IPCEF1: variants seen among roughly 807,000 people sequenced by gnomAD.
IPCEF1 encodes the protein interactor protein for cytohesin exchange factors 1.
In IPCEF1, 31 loss-of-function variants were observed where a neutral mutation model predicts 50.9. The observed-to-expected ratio is 0.61, with a 90% CI of 0.46 to 0.82. The LOEUF is 0.82. IPCEF1 is among the 40% of genes least tolerant of loss of function. IPCEF1 has a pLI of 0.00. For missense variants in IPCEF1, 458 were observed against 514.0 expected (o/e 0.89, Z 1.05); for synonymous variants, 181 against 192.0 (o/e 0.94, Z 0.47).
intron 9 of IPCEF1, 97 bp downstream of exon 9, chr6:154,212,673 T>C (rs1407326397): frequency 1.3e-6 from 1 of 797,698 alleles, no homozygotes; most frequent in Non-Finnish European, 2.0e-6. Flanking sequence ...TAGCCCATTC[T>C]AAAAATTTAT....
chr6:154,185,866 G>A (rs1225697482), intron 10 of IPCEF1, among the ~76,000 whole-genome samples: 2 of 152,236 alleles, frequency 1.3e-5, no homozygotes, highest in Non-Finnish European at 2.9e-5. Flanking sequence ...TGAGCCACAA[G>A]TTGGATAAGC....
At chr6:154,330,283 A>G (rs1396614536) in intron 1 of IPCEF1, among the ~76,000 whole-genome samples, 1 of 151,792 alleles carries the variant, frequency 6.6e-6, no homozygotes, top group Non-Finnish European at 1.5e-5. Context: ...TCCTTTTAAC[A>G]GAATACCAGC....
chr6:154,203,944 T>G (rs1315217178), intron 9 of IPCEF1, among the ~76,000 whole-genome samples: 1 of 152,192 alleles, frequency 6.6e-6, no homozygotes, highest in Non-Finnish European at 1.5e-5. Context: ...CGGTGCCAAT[T>G]ACAATGCAAA....
At chr6:154,257,566 G>A (rs991649015) in intron 3 of IPCEF1, among the ~76,000 whole-genome samples, 2 of 152,122 alleles carry the variant, frequency 1.3e-5, no homozygotes, top group African/African-American at 2.4e-5. Flanking sequence ...ACCCTTGAAC[G>A]GAAATCAGTT....
rs1173873803 is a variant in IPCEF1 at position 154,158,289 on chromosome 6, G to C, written c.*1539C>G. ...GTAGGCAGGGCCAACATGGGTACTT[G>C]GTGGGTTGTGGTTATTCCTATGGTG... On this transcript the variant is annotated 3_prime_UTR_variant, in exon 12 of 12. Transcript: ENST00000367220. 6.6e-6 allele frequency: 1 copy of C among 152,156 alleles called. No individual in the cohort carries two copies. The highest frequency in any genetic ancestry group is 1.5e-5 in the Non-Finnish European group (1 of 68,034). 9.4% of individuals were successfully genotyped at this position (152,156 alleles called of 1,614,324 possible).
intron 1 of IPCEF1, among the ~76,000 whole-genome samples, chr6:154,313,563 A>G (rs1169508890): frequency 6.6e-6 from 1 of 152,178 alleles, no homozygotes; most frequent in South Asian, 2.1e-4. Flanking sequence ...TATTAAAGAA[A>G]GATGTTTTGG....
At chr6:154,173,471 G>A (rs1800043228) in intron 10 of IPCEF1, among the ~76,000 whole-genome samples, 1 of 152,182 alleles carries the variant, frequency 6.6e-6, no homozygotes, top group East Asian at 1.9e-4. Flanking sequence ...GTAGAGAAGA[G>A]TTTAAATGAT....
Position 154,160,008 on chromosome 6 carries a change from C to T in IPCEF1, c.1137G>A (p.Gln379=). The T allele has an allele frequency of 1.9e-6, 3 of 1,612,414 alleles. No homozygotes were observed. In the South Asian group the frequency reaches 3.3e-5, roughly 18 times the overall value. Residue 379 remains glutamine (Q), a synonymous_variant, in exon 12 of 12, where the codon CAG becomes CAA. Coordinates refer to ENST00000367220, the MANE Select transcript of IPCEF1 (RefSeq NM_001130700.2). ...CTGTCAGCTTCGGGTCATCCAGCAACTGGTTAATCATGGCCAGATCATGTT... is the reference window on the plus strand; with the variant it reads ...CTGTCAGCTTCGGGTCATCCAGCAATTGGTTAATCATGGCCAGATCATGTT... The part of the protein sequence containing the change: ...CKEHDLAMIN[Q]LLDDPKLTAR...
chr6:154,244,301 GGTGTGTGTGT>G (rs10674508), intron 5 of IPCEF1, among the ~76,000 whole-genome samples: 1 of 147,956 alleles, frequency 6.8e-6, no homozygotes, highest in African/African-American at 2.5e-5. Context: ...TGTGTGGGTG[GGTGTGTGTGT>G]GTGTGTGTGT....
intron 1 of IPCEF1, among the ~76,000 whole-genome samples, chr6:154,318,711 TCAAA>T (rs1562287063): frequency 2.4e-5 from 1 of 41,578 alleles, no homozygotes. Context: ...AGACCCTGTC[TCAAA>T]AAAAAAAAAA....
chr6:154,296,112 A>G (rs1446484610), intron 1 of IPCEF1, among the ~76,000 whole-genome samples: 1 of 152,170 alleles, frequency 6.6e-6, no homozygotes, highest in Non-Finnish European at 1.5e-5. Flanking sequence ...CTGTGCATAC[A>G]TTTCATGAGG....
chr6:154,270,713 C>T (rs957349012), intron 2 of IPCEF1, among the ~76,000 whole-genome samples: 7 of 152,150 alleles, frequency 4.6e-5, no homozygotes, highest in African/African-American at 1.4e-4. Context: ...CGGTGGCTCA[C>T]GCCTCTAATC....
intron 11 of IPCEF1, among the ~76,000 whole-genome samples, chr6:154,160,514 C>T (rs1237525233): frequency 6.6e-6 from 1 of 152,168 alleles, no homozygotes; most frequent in Non-Finnish European, 1.5e-5. Context: ...TAATAAATCA[C>T]ATTTATTTAA....
At chr6:154,188,845 A>C (rs1801612712) in intron 10 of IPCEF1, among the ~76,000 whole-genome samples, 1 of 152,232 alleles carries the variant, frequency 6.6e-6, no homozygotes, top group African/African-American at 2.4e-5. Flanking sequence ...CATTCATGGA[A>C]CACATCAAAA....
intron 2 of IPCEF1, among the ~76,000 whole-genome samples, chr6:154,269,915 A>G (rs568506516): frequency 6.6e-6 from 1 of 152,346 alleles, no homozygotes; most frequent in South Asian, 2.1e-4. Flanking sequence ...GATAAGCTAA[A>G]TAGGTAGCTC....
At chr6:154,186,564 CT>C (rs144402482) in intron 10 of IPCEF1, among the ~76,000 whole-genome samples, 36 of 149,290 alleles carry the variant, frequency 2.4e-4, no homozygotes, top group Non-Finnish European at 1.9e-4. Flanking sequence ...CTTTTTTTCT[CT>C]TTTTTTTTTG....
chr6:154,213,192 C>T (rs1778108243), intron 8 of IPCEF1: 1 of 263,184 alleles, frequency 3.8e-6, no homozygotes, highest in African/African-American at 2.2e-5. Flanking sequence ...TTGTAGGAAT[C>T]CTAATGAATT....
chr6:154,207,754 AT>A (rs564261862), intron 9 of IPCEF1, among the ~76,000 whole-genome samples: 87 of 151,424 alleles, frequency 5.7e-4, no homozygotes, highest in African/African-American at 1.2e-3. Flanking sequence ...ATTTTAGCTG[AT>A]TTTTTTTTCC....
At chr6:154,315,031 C>T (rs1479220126) in intron 1 of IPCEF1, among the ~76,000 whole-genome samples, 1 of 152,156 alleles carries the variant, frequency 6.6e-6, no homozygotes. Flanking sequence ...CAGGCATGTG[C>T]TACCACGACC....
Sources: allele counts gnomAD v4.1 joint callset (sites outside exome capture counted in the v4.1 genomes callset), GRCh38; gene constraint gnomAD v4.1.1; transcripts MANE v1.5; gene names NCBI Gene and HGNC (gene_info 2026-07-23, HGNC 2026-07-21).